The following UBXN7 variants were observed in gnomAD, a reference collection of about 807,000 sequenced individuals.
The protein encoded by UBXN7 is UBX domain-containing protein 7.
A neutral mutation model predicts 58.0 loss-of-function variants in UBXN7; 9 were observed. The observed-to-expected ratio is 0.16, with a 90% CI of 0.09 to 0.27. The LOEUF (loss-of-function observed/expected upper bound fraction) is 0.27. UBXN7 is among the 10% of genes least tolerant of loss of function. The pLI is 1.00. For synonymous variants in UBXN7, 208 were observed against 205.0 expected, an observed-to-expected ratio of 1.01 and a Z score of -0.12; for missense variants, 328 against 599.6, an observed-to-expected ratio of 0.55 and a Z score of 4.73.
At chr3:196,417,498 C>A (rs1387586540) in intron 1 of UBXN7, among the ~76,000 whole-genome samples, 2 of 152,016 alleles carry the variant, frequency 1.3e-5, no homozygotes, top group East Asian at 3.9e-4. Flanking sequence ...GTTCGACCTT[C>A]TACTTCTGTC....
intron 1 of UBXN7, chr3:196,432,014 C>T (rs1333879413): frequency 1.9e-6 from 1 of 528,154 alleles, no homozygotes; most frequent in Non-Finnish European, 3.5e-6. Flanking sequence ...CCCTACTCCT[C>T]CCGCCCCCGG....
intron 5 of UBXN7, among the ~76,000 whole-genome samples, chr3:196,383,838 G>A (rs188148612): frequency 9.2e-5 from 14 of 152,242 alleles, no homozygotes; most frequent in Admixed American, 5.2e-4. Flanking sequence ...ATGCCCACAA[G>A]AGAAAGCAGG....
At chr3:196,382,517 C>T (rs1429535712) in intron 5 of UBXN7, among the ~76,000 whole-genome samples, 1 of 152,176 alleles carries the variant, frequency 6.6e-6, no homozygotes. Flanking sequence ...ACAACCGGTG[C>T]CAGCCACTGC....
intron 5 of UBXN7, among the ~76,000 whole-genome samples, chr3:196,374,040 T>A (rs1236081060): frequency 6.6e-6 from 1 of 152,216 alleles, no homozygotes; most frequent in Non-Finnish European, 1.5e-5. Context: ...TACTTCCTTA[T>A]AGGACAAAGA....
chr3:196,365,210 GAGAA>G (rs1264408709), intron 8 of UBXN7, among the ~76,000 whole-genome samples: 2 of 141,188 alleles, frequency 1.4e-5, no homozygotes, highest in African/African-American at 5.2e-5. Context: ...TATTAGAAGA[GAGAA>G]AGGTATCAAA....
rs1353727451 is a variant in UBXN7 at position 196,355,763 on chromosome 3, A to AT, written c.*921dup. ...ACAATCAATAACCATAGTGGTTACAATTCCAAGCCATTGTACTACATGATT... is the reference window on the plus strand; with the variant it reads ...ACAATCAATAACCATAGTGGTTACAATTTCCAAGCCATTGTACTACATGATT... On this transcript the variant is annotated 3_prime_UTR_variant, in exon 11 of 11. Coordinates refer to ENST00000296328, the MANE Select transcript of UBXN7 (RefSeq NM_015562.2). 12 of 152,200 alleles carry AT rather than the reference A, an allele frequency of 7.9e-5. No individual in the cohort carries two copies. The highest frequency in any genetic ancestry group is 7.9e-4 in the Admixed American group (12 of 15,274). 9.4% of individuals were successfully genotyped at this position (152,200 alleles called of 1,614,324 possible).
Position 196,356,539 on chromosome 3 carries a change from G to C in UBXN7, c.*146C>G. On this transcript the variant is annotated 3_prime_UTR_variant, in exon 11 of 11. Transcript: ENST00000296328. ...AGGGGGAGAAAGAGACTGATTATAG[G>C]AGAGATCAAGAAATAAGAGAAGGAA... 1 of 814,520 alleles carries C rather than the reference G, an allele frequency of 1.2e-6. No individual in the cohort carries two copies. The highest frequency in any genetic ancestry group is 1.9e-6 in the Non-Finnish European group (1 of 528,564). The allele number at this position is 814,520 out of a possible 1,614,324, so 50.5% of individuals were successfully genotyped here. A position where few individuals can be genotyped will look rare whatever the true frequency, so the allele number is the denominator to read the frequency against.
chr3:196,354,232 G>A lies in UBXN7; in HGVS notation c.*2453C>T, dbSNP rs919391539. On this transcript the variant is annotated 3_prime_UTR_variant, in exon 11 of 11. Transcript: ENST00000296328. The stretch of plus-strand genomic sequence containing the variant: ...TTAAGCTGAGTGAAAGTACCATGCT[G>A]TCTTTTAAATCACTTTATATCTACT... The A allele has an allele frequency of 6.6e-6, 1 of 152,296 alleles. No individual in the cohort carries two copies. The highest frequency in any genetic ancestry group is 1.9e-4 in the East Asian group (1 of 5,184). The allele number at this position is 152,296 out of a possible 1,614,324, so 9.4% of individuals were successfully genotyped here. A position where few individuals can be genotyped will look rare whatever the true frequency, so the allele number is the denominator to read the frequency against.
chr3:196,395,201 C>T (rs1185445186), intron 3 of UBXN7, among the ~76,000 whole-genome samples: 1 of 152,104 alleles, frequency 6.6e-6, no homozygotes, highest in East Asian at 1.9e-4. Context: ...CCCCTTAACG[C>T]GTGTCAAAAC....
At position 196,415,306 on chromosome 3, in the gene UBXN7, A is replaced by G. The variant is rs1308897051; in HGVS notation, c.74-7913T>C. ...GGAGCTGGGACAATAGGCGCACGCC[A>G]CCACTCCCAGCTAATTTTTGTATTT... On this transcript the variant is annotated intron_variant, in intron 1 of 10. Transcript: ENST00000296328. 7.3e-5 allele frequency among the ~76,000 whole-genome samples: 11 copies of G among 151,498 alleles called. No individual in the cohort carries two copies. In the East Asian group the frequency reaches 2.0e-3, roughly 27 times the overall value.
At chr3:196,416,912 A>G (rs188335134) in intron 1 of UBXN7, among the ~76,000 whole-genome samples, 87 of 152,298 alleles carry the variant, frequency 5.7e-4, no homozygotes, top group African/African-American at 1.9e-3. Context: ...TTAGTGTCAC[A>G]AGTGCCTTTT....
rs1728127522 is a variant in UBXN7 at position 196,348,085 on chromosome 3, C to G, written c.*8600G>C. 6.6e-6 allele frequency: 1 copy of G among 152,092 alleles called. No homozygotes were observed. Among genetic ancestry groups the G allele is most frequent in the African/African-American group, 2.4e-5 (1 of 41,394 alleles). 9.4% of individuals were successfully genotyped at this position (152,092 alleles called of 1,614,324 possible). On this transcript the variant is annotated 3_prime_UTR_variant, in exon 11 of 11. Coordinates refer to ENST00000296328, the MANE Select transcript of UBXN7 (RefSeq NM_015562.2). ...AAGTGGAAGTTCCATTGAGTCTTAG[C>G]CAGTAGTTACAACTCTGCGTTACCT...
chr3:196,363,607 T>A (rs1327124161), intron 8 of UBXN7, among the ~76,000 whole-genome samples: 1 of 151,832 alleles, frequency 6.6e-6, no homozygotes, highest in South Asian at 2.1e-4. Flanking sequence ...TTGAAGGAAA[T>A]TAAAAGTGCT....
chr3:196,380,851 C>T (rs1729185017), intron 5 of UBXN7, among the ~76,000 whole-genome samples: 1 of 152,252 alleles, frequency 6.6e-6, no homozygotes, highest in African/African-American at 2.4e-5. Context: ...CTTGGCAGGT[C>T]CCACGCCCAT....
intron 5 of UBXN7, among the ~76,000 whole-genome samples, chr3:196,387,562 A>C (rs147229643): frequency 0.025 from 3,782 of 152,334 alleles, 149 homozygotes; most frequent in African/African-American, 0.086. Flanking sequence ...TAATATCCAG[A>C]ATCTACAAAG....
intron 6 of UBXN7, among the ~76,000 whole-genome samples, chr3:196,371,694 G>A (rs1441488736): frequency 1.3e-5 from 2 of 152,122 alleles, no homozygotes; most frequent in Non-Finnish European, 2.9e-5. Flanking sequence ...TGTTGGCCAG[G>A]CTGGTCTCAA....
intron 1 of UBXN7, among the ~76,000 whole-genome samples, chr3:196,422,411 T>C (rs1329191584): frequency 6.6e-6 from 1 of 151,676 alleles, no homozygotes; most frequent in Non-Finnish European, 1.5e-5. Context: ...CCCCAGGAGC[T>C]TGAGGCTGCA....
chr3:196,389,461 T>TC lies in UBXN7; in HGVS notation c.468+2351_468+2352insG, dbSNP rs1577454201. Among the ~76,000 whole-genome samples, 5 of 152,344 alleles carry TC rather than the reference T, an allele frequency of 3.3e-5. No individual in the cohort carries two copies. In the East Asian group the frequency reaches 9.6e-4, roughly 29 times the overall value. On this transcript the variant is annotated intron_variant, in intron 5 of 10. Coordinates refer to ENST00000296328, the MANE Select transcript of UBXN7 (RefSeq NM_015562.2). Reference sequence around the variant, plus strand: ...GTTTTCTGATTCAGAAAATTGAAACTGGAGAGCACGCTGATATGGTTTGGA... The same window carrying TC: ...GTTTTCTGATTCAGAAAATTGAAACTCGGAGAGCACGCTGATATGGTTTGGA...
chr3:196,385,212 C>T (rs951951758), intron 5 of UBXN7, among the ~76,000 whole-genome samples: 18 of 152,330 alleles, frequency 1.2e-4, no homozygotes, highest in South Asian at 4.2e-4. Context: ...CCGTGTTGGC[C>T]GGGCTGGTCT....
Sources: gnomAD v4.1 joint callset for allele counts (sites outside exome capture counted in the v4.1 genomes callset) on GRCh38, gnomAD v4.1.1 for gene constraint, MANE v1.5 for transcripts, NCBI Gene and HGNC (gene_info 2026-07-23, HGNC 2026-07-21) for gene names.